Variants in BCL11B observed in about 807,000 individuals in gnomAD.
BCL11B encodes BCL11 transcription factor B.
BCL11B carries 8 observed loss-of-function variants against 49.9 expected under a neutral mutation model. That is an observed-to-expected ratio of 0.16 (90% CI 0.09 to 0.29). The LOEUF is 0.29. Among genes scored for constraint, BCL11B ranks in the 10% least tolerant of loss-of-function variants. The pLI, the probability that BCL11B is intolerant of heterozygous loss-of-function variation, is 1.00. For synonymous variants in BCL11B, 739 were observed against 637.4 expected, an observed-to-expected ratio of 1.16 and a Z score of -2.40; for missense variants, 1,006 against 1,351.0, an observed-to-expected ratio of 0.74 and a Z score of 4.00.
rs1888226459 is a variant in BCL11B at position 99,228,747 on chromosome 14, C to T, written c.640+2598G>A. Among the ~76,000 whole-genome samples, 1 of 152,232 alleles carries T rather than the reference C, an allele frequency of 6.6e-6. No individual in the cohort carries two copies. Among genetic ancestry groups the T allele is most frequent in the South Asian group, 2.1e-4 (1 of 4,834 alleles). On this transcript the variant is annotated intron_variant, in intron 3 of 3. Transcript: ENST00000357195. This position sits in a 1 kb window ranked among gnomAD's most constrained non-coding sequence, Gnocchi z 4.8. ...GATCAAATCCCACCTCCACCACTCC[C>T]TCCCTCCCTGCTCCTCCTTCCCCTT...
chr14:99,216,886 G>C (rs962934198), intron 3 of BCL11B, among the ~76,000 whole-genome samples: 2 of 151,776 alleles, frequency 1.3e-5, no homozygotes, highest in African/African-American at 4.8e-5. Context: ...TATGTGCACA[G>C]ATACCATATA....
rs1395590361 is a variant in BCL11B, at chr14:99,195,974, A to G, written c.641-19779T>C. ...ATATCTGGAAAGAAGTCGGGAAACA[A>G]TTAAAACTAGAAGCTAATAAATGAT... On this transcript the variant is annotated intron_variant, in intron 3 of 3. Transcript: ENST00000357195. This position sits in a 1 kb window ranked among gnomAD's most constrained non-coding sequence, Gnocchi z 4.7. Among the ~76,000 whole-genome samples, 1 of 152,158 alleles carries G rather than the reference A, an allele frequency of 6.6e-6. No individual in the cohort carries two copies. The highest frequency in any genetic ancestry group is 1.5e-5 in the Non-Finnish European group (1 of 68,026).
chr14:99,221,721 G>C (rs1888014245), intron 3 of BCL11B, among the ~76,000 whole-genome samples: 2 of 152,270 alleles, frequency 1.3e-5, no homozygotes, highest in Admixed American at 1.3e-4. Context: ...CGAAAACCAG[G>C]AGCGGTCCTG....
At position 99,205,893 on chromosome 14, in the gene BCL11B, T is replaced by C. The variant is rs1887520438; in HGVS notation, c.640+25452A>G. Among the ~76,000 whole-genome samples the C allele has an allele frequency of 2.0e-5, 3 of 152,054 alleles. No homozygotes were observed. The South Asian group carries it at 6.2e-4, about 31-fold the overall frequency. On this transcript the variant is annotated intron_variant, in intron 3 of 3. Transcript: ENST00000357195. The surrounding 1 kb of genome is among the most constrained non-coding windows in gnomAD (Gnocchi z 5.0). ...ATCTCTCATTGCAGAATCAAGTTGTTGAAGGAAGGTTAGCTCCAAAGAGGC... is the reference window on the plus strand; with the variant it reads ...ATCTCTCATTGCAGAATCAAGTTGTCGAAGGAAGGTTAGCTCCAAAGAGGC...
At chr14:99,200,584 G>C (rs531727318) in intron 3 of BCL11B, among the ~76,000 whole-genome samples, 1 of 152,306 alleles carries the variant, frequency 6.6e-6, no homozygotes, top group Admixed American at 6.5e-5. Context: ...ATGCCACTTT[G>C]CCCATGAGGC....
rs1351794683 is a variant in BCL11B, at chr14:99,242,567, C to A, written c.428-11010G>T. On this transcript the variant is annotated intron_variant, in intron 2 of 3. Coordinates refer to ENST00000357195, the MANE Select transcript of BCL11B (RefSeq NM_138576.4). The surrounding 1 kb of genome is among the most constrained non-coding windows in gnomAD (Gnocchi z 4.4). ...CCAGTGAACAGGGGCTGGGTCAAGG[C>A]CCCCATGGGGAAAGGAGAGGACCAC... Among the ~76,000 whole-genome samples, 1 of 152,178 alleles carries A rather than the reference C, an allele frequency of 6.6e-6. No homozygotes were observed. Among genetic ancestry groups the A allele is most frequent in the East Asian group, 1.9e-4 (1 of 5,186 alleles).
At chr14:99,268,439 T>C (rs950675478) in intron 1 of BCL11B, among the ~76,000 whole-genome samples, 1 of 152,168 alleles carries the variant, frequency 6.6e-6, no homozygotes, top group Non-Finnish European at 1.5e-5. Context: ...AGATGTACCA[T>C]GTTTTAAGGG....
rs1160252005 is a variant in BCL11B, at chr14:99,241,188, AT to A, written c.428-9632del. 6.6e-6 allele frequency among the ~76,000 whole-genome samples: 1 copy of A among 151,698 alleles called. No homozygotes were observed. Among genetic ancestry groups the A allele is most frequent in the African/African-American group, 2.4e-5 (1 of 41,258 alleles). On this transcript the variant is annotated intron_variant, in intron 2 of 3. Transcript: ENST00000357195. This position sits in a 1 kb window ranked among gnomAD's most constrained non-coding sequence, Gnocchi z 4.4. ...TTGGTTTTGAAACTGTTTTTTTATT[AT>A]TTTTTTTAAATCTACAGCCTCTGTT...
At chr14:99,265,548 T>C (rs547150379) in intron 1 of BCL11B, among the ~76,000 whole-genome samples, 1 of 152,282 alleles carries the variant, frequency 6.6e-6, no homozygotes, top group African/African-American at 2.4e-5. Context: ...TCCCCTGAGT[T>C]CTAAGGCAAA....
chr14:99,224,523 G>C (rs143930393), intron 3 of BCL11B, among the ~76,000 whole-genome samples: 90 of 152,234 alleles, frequency 5.9e-4, no homozygotes, highest in African/African-American at 2.1e-3. Flanking sequence ...GGCTTTCCAA[G>C]AGCTAAGTCG....
intron 3 of BCL11B, among the ~76,000 whole-genome samples, chr14:99,230,687 G>A (rs528041133): frequency 1.1e-4 from 17 of 152,304 alleles, no homozygotes; most frequent in Admixed American, 5.9e-4. Context: ...CAGCCACACC[G>A]CCCGCCCGGG....
intron 3 of BCL11B, among the ~76,000 whole-genome samples, chr14:99,224,688 G>C (rs575525447): frequency 1.3e-4 from 20 of 152,282 alleles, no homozygotes; most frequent in African/African-American, 4.8e-4. Context: ...CTGTTCATGG[G>C]ACCTGCCAGT....
intron 3 of BCL11B, among the ~76,000 whole-genome samples, chr14:99,177,027 G>A (rs982409389): frequency 6.6e-6 from 1 of 152,000 alleles, no homozygotes; most frequent in African/African-American, 2.4e-5. Context: ...AGAAAGCACT[G>A]TACACCTGAA....
chr14:99,200,704 ATGGCG>A (rs1462750273), intron 3 of BCL11B, among the ~76,000 whole-genome samples: 1 of 152,226 alleles, frequency 6.6e-6, no homozygotes, highest in East Asian at 1.9e-4. Flanking sequence ...TGTCCCTGGC[ATGGCG>A]CAGGAGGCTG....
At position 99,241,679 on chromosome 14, in the gene BCL11B, CT is replaced by C. The variant is rs1188798194; in HGVS notation, c.428-10123del. On this transcript the variant is annotated intron_variant, in intron 2 of 3. Coordinates refer to ENST00000357195, the MANE Select transcript of BCL11B (RefSeq NM_138576.4). The surrounding 1 kb of genome is among the most constrained non-coding windows in gnomAD (Gnocchi z 4.4). ...CTGTGCTGTAGGGGGGACGATGTCG[CT>C]TTTTTCCCCCTTCCCTAAGTGCATT... is the stretch of plus-strand genomic sequence containing the variant. Among the ~76,000 whole-genome samples, 2 of 152,138 alleles carry C rather than the reference CT, an allele frequency of 1.3e-5. No homozygotes were observed. Among genetic ancestry groups the C allele is most frequent in the East Asian group, 3.9e-4 (2 of 5,168 alleles).
chr14:99,172,221 G>C lies in BCL11B; in HGVS notation c.*1930C>G, dbSNP rs935761216. On this transcript the variant is annotated 3_prime_UTR_variant, in exon 4 of 4. Coordinates refer to ENST00000357195, the MANE Select transcript of BCL11B (RefSeq NM_138576.4). ...ATTCAACGATATCAACTTGTAACTT[G>C]TGTCACTTGAGTTTTAATTCAGCAG... 1.8e-5 allele frequency: 4 copies of C among 224,186 alleles called. No homozygotes were observed. In the Admixed American group the frequency reaches 2.3e-4, roughly 13 times the overall value. 13.9% of individuals were successfully genotyped at this position (224,186 alleles called of 1,614,324 possible). A position where few individuals can be genotyped will look rare whatever the true frequency, so the allele number is the denominator to read the frequency against.
At position 99,192,590 on chromosome 14, in the gene BCL11B, G is replaced by A. The variant is rs1887064829; in HGVS notation, c.641-16395C>T. 6.6e-6 allele frequency among the ~76,000 whole-genome samples: 1 copy of A among 152,172 alleles called. No homozygotes were observed. Among genetic ancestry groups the A allele is most frequent in the Admixed American group, 6.5e-5 (1 of 15,274 alleles). ...CTCCTGCTGTCCTGCCAGGTACCAG[G>A]TGTACCAGACCGGCTGAAGTTTGGA... On this transcript the variant is annotated intron_variant, in intron 3 of 3. Transcript: ENST00000357195. The surrounding 1 kb of genome is among the most constrained non-coding windows in gnomAD (Gnocchi z 4.0).
At position 99,174,116 on chromosome 14, in the gene BCL11B, C is replaced by T. The variant is rs1886383673; in HGVS notation, c.*35G>A. On this transcript the variant is annotated 3_prime_UTR_variant, in exon 4 of 4. Transcript: ENST00000357195. Reference sequence around the variant, plus strand: ...GCATTCTCTCGGTTGGCAACGGTTCCACTGTACAGGTGCGGGGCGCCGGGG... The same window carrying T: ...GCATTCTCTCGGTTGGCAACGGTTCTACTGTACAGGTGCGGGGCGCCGGGG... 1 of 1,594,984 alleles carries T rather than the reference C, an allele frequency of 6.3e-7. No homozygotes were observed. The highest frequency in any genetic ancestry group is 8.5e-7 in the Non-Finnish European group (1 of 1,171,930).
intron 3 of BCL11B, among the ~76,000 whole-genome samples, chr14:99,209,613 G>A (rs950074220): frequency 6.6e-6 from 1 of 152,138 alleles, no homozygotes; most frequent in Admixed American, 6.5e-5. Context: ...CTGGCCCCCG[G>A]CAGGGGAGAA....
Sources: gnomAD v4.1 joint callset for allele counts (sites outside exome capture counted in the v4.1 genomes callset) on GRCh38, gnomAD v4.1.1 for gene constraint, Gnocchi (gnomAD v3.1) non-coding constraint, MANE v1.5 for transcripts, NCBI Gene and HGNC (gene_info 2026-07-23, HGNC 2026-07-21) for gene names.